Variants in TACR3 observed in about 807,000 individuals in gnomAD.
The protein encoded by TACR3 is neuromedin-K receptor.
TACR3 carries 34 observed loss-of-function variants against 35.0 expected under a neutral mutation model. The ratio of observed to expected loss-of-function variants is 0.97; its 90% CI spans 0.74 to 1.30. The LOEUF is 1.30. TACR3 is among the 50% of genes most tolerant of loss of function. The pLI, the probability that TACR3 is intolerant of heterozygous loss-of-function variation, is 0.00. For synonymous variants in TACR3, 233 were observed against 221.1 expected (o/e 1.05, Z -0.48); for missense variants, 558 against 591.7 (o/e 0.94, Z 0.59).
chr4:103,670,185 G>A (rs75832945), intron 1 of TACR3, among the ~76,000 whole-genome samples: 23,389 of 151,910 alleles, frequency 0.15, 2,337 homozygotes, highest in East Asian at 0.43. Context: ...TGTTCCATTC[G>A]TCTATGTGTC....
intron 3 of TACR3, among the ~76,000 whole-genome samples, chr4:103,618,645 G>C (rs1232558311): frequency 1.5e-5 from 2 of 133,376 alleles, no homozygotes; most frequent in South Asian, 2.6e-4. Flanking sequence ...ATGACAGGTA[G>C]TTTGATAGGA....
intron 3 of TACR3, among the ~76,000 whole-genome samples, chr4:103,650,321 AG>A (rs1257129125): frequency 1.3e-5 from 2 of 151,588 alleles, no homozygotes; most frequent in African/African-American, 2.4e-5. Context: ...GTTCACCCAA[AG>A]CCTGTTTTAA....
At chr4:103,643,076 A>G (rs1725389960) in intron 3 of TACR3, among the ~76,000 whole-genome samples, 1 of 151,886 alleles carries the variant, frequency 6.6e-6, no homozygotes. Context: ...AGGTTTTGTA[A>G]TAACTACTGG....
chr4:103,635,174 T>A (rs1255460648), intron 3 of TACR3, among the ~76,000 whole-genome samples: 7 of 151,984 alleles, frequency 4.6e-5, no homozygotes, highest in Admixed American at 2.6e-4. Flanking sequence ...CATTGTACTA[T>A]AAGTATGATT....
chr4:103,680,717 T>A (rs1722046489), intron 1 of TACR3, among the ~76,000 whole-genome samples: 1 of 151,762 alleles, frequency 6.6e-6, no homozygotes, highest in Admixed American at 6.6e-5. Flanking sequence ...AAGTCATCTA[T>A]CACCTGAAAT....
rs1267114830 is a variant in TACR3, at chr4:103,587,216, T to C, written c.*2466A>G. 6.6e-6 allele frequency: 1 copy of C among 152,148 alleles called. No individual in the cohort carries two copies. The highest frequency in any genetic ancestry group is 1.5e-5 in the Non-Finnish European group (1 of 68,006). The allele number at this position is 152,148 out of a possible 1,614,324, so 9.4% of individuals were successfully genotyped here. ...TATTCTGTAATTCTTATTGTCAAAATGCAGACAAAAGAGTGAAAAATCTTC... is the reference window on the plus strand; with the variant it reads ...TATTCTGTAATTCTTATTGTCAAAACGCAGACAAAAGAGTGAAAAATCTTC... On this transcript the variant is annotated 3_prime_UTR_variant, in exon 5 of 5. Transcript: ENST00000304883.
intron 1 of TACR3, among the ~76,000 whole-genome samples, chr4:103,683,802 A>G (rs866976492): frequency 2.0e-5 from 3 of 151,494 alleles, no homozygotes; most frequent in African/African-American, 7.3e-5. Context: ...ATAATTCATG[A>G]CAGGAAGTGG....
intron 4 of TACR3, 98 bp downstream of exon 4, chr4:103,591,389 T>C: frequency 1.4e-6 from 2 of 1,449,316 alleles, no homozygotes; most frequent in South Asian, 1.2e-5. Context: ...CCCTTCCTTC[T>C]GCATTTTGAA....
At chr4:103,628,997 AT>A in intron 3 of TACR3, among the ~76,000 whole-genome samples, 1 of 152,224 alleles carries the variant, frequency 6.6e-6, no homozygotes, top group East Asian at 1.9e-4. Context: ...ACACAAATCA[AT>A]AAATGTAATC....
rs1723796264 is a variant in TACR3 at position 103,587,699 on chromosome 4, A to C, written c.*1983T>G. ...TAATGCTAGTACCATATCATTCATA[A>C]ATTTAAGAAAATAATAACTTTTTAC... On this transcript the variant is annotated 3_prime_UTR_variant, in exon 5 of 5. Coordinates refer to ENST00000304883, the MANE Select transcript of TACR3 (RefSeq NM_001059.3). 1 of 152,120 alleles carries C rather than the reference A, an allele frequency of 6.6e-6. No individual in the cohort carries two copies. Among genetic ancestry groups the C allele is most frequent in the South Asian group, 2.1e-4 (1 of 4,834 alleles). 9.4% of individuals were successfully genotyped at this position (152,120 alleles called of 1,614,324 possible). A position where few individuals can be genotyped will look rare whatever the true frequency, so the allele number is the denominator to read the frequency against.
rs886058973 is a variant in TACR3 at position 103,589,850 on chromosome 4, T to A, written c.1230A>T (p.Thr410=). The A allele has an allele frequency of 1.1e-5, 17 of 1,613,852 alleles. No individual in the cohort carries two copies. In the East Asian group the frequency reaches 3.3e-4, roughly 32 times the overall value. Residue 410 remains threonine (T), a synonymous_variant, in exon 5 of 5, where the codon ACA becomes ACT. Coordinates refer to ENST00000304883, the MANE Select transcript of TACR3 (RefSeq NM_001059.3). ...MYTVTRMESM[T]VVFDPNDADT... The stretch of plus-strand genomic sequence containing the variant: ...CTGCATCGTTGGGGTCAAACACGAC[T>A]GTCATGGACTCCATTCTGGTCACGG...
chr4:103,629,871 A>C lies in TACR3; in HGVS notation c.888+26323T>G, dbSNP rs1283495159. On this transcript the variant is annotated intron_variant, in intron 3 of 4. Transcript: ENST00000304883. ...AAAACAAAAAAAAAACAAAAAAAAA[A>C]CAAAAAAAACAACAACAACAACAAA... Among the ~76,000 whole-genome samples the C allele has an allele frequency of 5.9e-4, 63 of 106,416 alleles. 3 individuals carry two copies. The highest frequency in any genetic ancestry group is 6.0e-3 in the Middle Eastern group (1 of 166). The allele number at this position is 106,416 out of a possible 152,430, so 69.8% of individuals were successfully genotyped here. A position where few individuals can be genotyped will look rare whatever the true frequency, so the allele number is the denominator to read the frequency against.
At chr4:103,670,770 T>TA (rs1486400238) in intron 1 of TACR3, among the ~76,000 whole-genome samples, 2 of 152,030 alleles carry the variant, frequency 1.3e-5, no homozygotes, top group Admixed American at 1.3e-4. Context: ...CAAACAAGAA[T>TA]AATTTGACTT....
intron 3 of TACR3, among the ~76,000 whole-genome samples, chr4:103,592,784 G>C (rs937257508): frequency 4.6e-5 from 7 of 152,192 alleles, no homozygotes; most frequent in African/African-American, 1.7e-4. Context: ...TCATTTGACT[G>C]CAAATTAGGG....
At chr4:103,628,411 TAAA>T (rs1553969450) in intron 3 of TACR3, among the ~76,000 whole-genome samples, 6 of 151,624 alleles carry the variant, frequency 4.0e-5, no homozygotes, top group Non-Finnish European at 7.4e-5. Context: ...GCAAGACTAA[TAAA>T]GAAGAAAAGG....
rs1016166921 is a variant in TACR3 at position 103,589,017 on chromosome 4, T to G, written c.*665A>C. 1.3e-5 allele frequency: 2 copies of G among 152,092 alleles called. No individual in the cohort carries two copies. The highest frequency in any genetic ancestry group is 4.8e-5 in the African/African-American group (2 of 41,440). The allele number at this position is 152,092 out of a possible 1,614,324, so 9.4% of individuals were successfully genotyped here. ...TATATAATTTTTTAAAATTTCACTT[T>G]CTCAGAAAAAAAATCAAGAGAATGA... On this transcript the variant is annotated 3_prime_UTR_variant, in exon 5 of 5. Transcript: ENST00000304883.
At chr4:103,710,776 T>C (rs369239073) in intron 1 of TACR3, among the ~76,000 whole-genome samples, 1 of 151,430 alleles carries the variant, frequency 6.6e-6, no homozygotes, top group East Asian at 1.9e-4. Flanking sequence ...GAGAGTGGAA[T>C]CAAATAGACG....
chr4:103,616,171 G>A (rs1006851553), intron 3 of TACR3, among the ~76,000 whole-genome samples: 1 of 152,090 alleles, frequency 6.6e-6, no homozygotes, highest in African/African-American at 2.4e-5. Flanking sequence ...ATTAATACAA[G>A]TTTGTGGGTT....
At chr4:103,670,726 T>C (rs1726039533) in intron 1 of TACR3, among the ~76,000 whole-genome samples, 1 of 152,036 alleles carries the variant, frequency 6.6e-6, no homozygotes, top group African/African-American at 2.4e-5. Context: ...TAGTGGAGTC[T>C]TTAGGTTTTC....
Sources: gnomAD v4.1 joint callset for allele counts (sites outside exome capture counted in the v4.1 genomes callset) on GRCh38, gnomAD v4.1.1 for gene constraint, MANE v1.5 for transcripts, NCBI Gene and HGNC (gene_info 2026-07-23, HGNC 2026-07-21) for gene names.